ADAMTS20: variants seen among roughly 807,000 people sequenced by gnomAD.
ADAMTS20 encodes ADAM metallopeptidase with thrombospondin type 1 motif 20.
In ADAMTS20, 225 loss-of-function variants were observed where a neutral mutation model predicts 260.1. That is an observed-to-expected ratio of 0.87 (90% confidence interval 0.78 to 0.97). ADAMTS20 has a LOEUF of 0.97. Among genes scored for constraint, ADAMTS20 ranks in the 50% least tolerant of loss-of-function variants. The pLI is 0.00. For missense variants in ADAMTS20, 2,400 were observed against 2,337.7 expected, an observed-to-expected ratio of 1.03 and a Z score of -0.55; for synonymous variants, 802 against 769.5, an observed-to-expected ratio of 1.04 and a Z score of -0.70.
At chr12:43,477,449 G>A (rs866762780) in intron 7 of ADAMTS20, among the ~76,000 whole-genome samples, 1 of 152,118 alleles carries the variant, frequency 6.6e-6, no homozygotes, top group South Asian at 2.1e-4. Flanking sequence ...TCAGTCTGTT[G>A]TAAAAATTAG....
intron 36 of ADAMTS20, 107 bp downstream of exon 36, chr12:43,375,272 T>C (rs747532793): frequency 2.5e-6 from 3 of 1,194,722 alleles, no homozygotes; most frequent in Non-Finnish European, 3.4e-6. Flanking sequence ...TTTTGCACAA[T>C]GTCAGGTCCT....
intron 3 of ADAMTS20, among the ~76,000 whole-genome samples, chr12:43,514,318 A>C (rs1309722778): frequency 6.6e-6 from 1 of 151,646 alleles, no homozygotes; most frequent in Non-Finnish European, 1.5e-5. Flanking sequence ...TAATCCCAGC[A>C]CTTTGGGAGG....
intron 19 of ADAMTS20, chr12:43,433,834 T>C (rs1439546079): frequency 2.2e-5 from 10 of 463,534 alleles, no homozygotes; most frequent in African/African-American, 4.0e-5. Flanking sequence ...AAAATACTGA[T>C]AGAATGTCAA....
intron 3 of ADAMTS20, among the ~76,000 whole-genome samples, chr12:43,505,914 A>G (rs1942834099): frequency 6.6e-6 from 1 of 152,216 alleles, no homozygotes; most frequent in South Asian, 2.1e-4. Flanking sequence ...TGACAAAGGA[A>G]TGAATAAACA....
chr12:43,402,476 C>A (rs1025936949), intron 28 of ADAMTS20, among the ~76,000 whole-genome samples: 2 of 151,926 alleles, frequency 1.3e-5, no homozygotes, highest in African/African-American at 4.8e-5. Flanking sequence ...AGGAATACAT[C>A]CAGTATTTTA....
At chr12:43,532,312 A>T in intron 2 of ADAMTS20, 117 bp from the exon 3 acceptor site, 1 of 859,900 alleles carries the variant, frequency 1.2e-6, no homozygotes. Context: ...TCTGTTCACT[A>T]AGAGCCATCA....
At chr12:43,421,487 T>C (rs560162762) in intron 28 of ADAMTS20, among the ~76,000 whole-genome samples, 1 of 151,992 alleles carries the variant, frequency 6.6e-6, no homozygotes, top group Non-Finnish European at 1.5e-5. Context: ...ACTTCTAAAA[T>C]GAAACTTAGT....
chr12:43,383,492 G>A, intron 31 of ADAMTS20, 66 bp downstream of exon 31: 3 of 1,477,152 alleles, frequency 2.0e-6, no homozygotes, highest in Non-Finnish European at 2.7e-6. Context: ...TTTCAGCTGT[G>A]TCAAATTGTA....
intron 19 of ADAMTS20, chr12:43,433,692 A>C (rs1228213629): frequency 2.9e-6 from 1 of 348,794 alleles, no homozygotes; most frequent in Non-Finnish European, 5.4e-6. Context: ...ACACACACAC[A>C]TGCACACACA....
At chr12:43,382,520 A>AT (rs1448359600) in intron 31 of ADAMTS20, among the ~76,000 whole-genome samples, 1 of 152,032 alleles carries the variant, frequency 6.6e-6, no homozygotes, top group East Asian at 1.9e-4. Context: ...GGGTGCAGAT[A>AT]TTTTTTTGGG....
At position 43,493,170 on chromosome 12, in the gene ADAMTS20, C is replaced by G; in HGVS notation, c.951G>C (p.Glu317Asp). ...TACTAATTTTAGACCTGTTTCTTACCTCCTCACGGTGAATCATAACTAATT... is the reference window on the plus strand; with the variant it reads ...TACTAATTTTAGACCTGTTTCTTACGTCCTCACGGTGAATCATAACTAATT... The part of the protein sequence containing the change: ...VVKLVMIHRE[E>D]EGPVINFDGA... The change falls in exon 5 of 39, where the codon GAG becomes GAC. Residue 317 changes from glutamate (E) to aspartate (D), a missense_variant and splice_region_variant. Glu to Asp is a conservative substitution (Grantham distance 45, BLOSUM62 2). Coordinates refer to ENST00000389420, the MANE Select transcript of ADAMTS20 (RefSeq NM_025003.5). The G allele has an allele frequency of 6.4e-7, 1 of 1,554,062 alleles. No individual in the cohort carries two copies. The highest frequency in any genetic ancestry group is 1.2e-5 in the South Asian group (1 of 84,370).
chr12:43,416,525 T>C (rs1182199577), intron 28 of ADAMTS20, among the ~76,000 whole-genome samples: 1 of 62,090 alleles, frequency 1.6e-5, no homozygotes, highest in Non-Finnish European at 3.4e-5. Context: ...CAAACTGACC[T>C]TTTTTTTTTT....
At chr12:43,474,248 A>T (rs1942313446) in intron 7 of ADAMTS20, among the ~76,000 whole-genome samples, 1 of 137,658 alleles carries the variant, frequency 7.3e-6, no homozygotes, top group African/African-American at 2.7e-5. Context: ...GAAGAAATGG[A>T]TACATTCCTC....
At chr12:43,372,268 A>T (rs1350265252) in intron 36 of ADAMTS20, among the ~76,000 whole-genome samples, 1 of 152,224 alleles carries the variant, frequency 6.6e-6, no homozygotes, top group Non-Finnish European at 1.5e-5. Flanking sequence ...AAGTCGAGAA[A>T]CAGTGAGAAA....
Position 43,383,867 on chromosome 12 carries a change from A to G in ADAMTS20, c.4563T>C (p.Ser1521=). 1 of 1,613,930 alleles carries G rather than the reference A, an allele frequency of 6.2e-7. No individual in the cohort carries two copies. The highest frequency in any genetic ancestry group is 8.5e-7 in the Non-Finnish European group (1 of 1,179,866). Residue 1521 remains serine (S), a synonymous_variant, in exon 30 of 39, where the codon TCT becomes TCC. Coordinates refer to ENST00000389420, the MANE Select transcript of ADAMTS20 (RefSeq NM_025003.5). Reference sequence around the variant, plus strand: ...AGTCCTGACTCCAACATCGCCTCTGAGAACAAGGTCGGGTGGACTGATCAC... The same window carrying G: ...AGTCCTGACTCCAACATCGCCTCTGGGAACAAGGTCGGGTGGACTGATCAC... ...EMCDQSTRPC[S]QRRCWSQDCV... is the part of the protein sequence containing the mutation.
chr12:43,493,357 G>A (rs1258101407), intron 4 of ADAMTS20, 104 bp from the exon 5 acceptor site: 22 of 777,086 alleles, frequency 2.8e-5, no homozygotes, highest in Middle Eastern at 3.4e-4. Context: ...TGCACTGCAC[G>A]TAGGAATCTT....
At chr12:43,387,396 C>A (rs750415710) in intron 29 of ADAMTS20, among the ~76,000 whole-genome samples, 4 of 152,150 alleles carry the variant, frequency 2.6e-5, no homozygotes, top group Admixed American at 6.5e-5. Context: ...CAGATGCCAG[C>A]TGGAGCTCCC....
chr12:43,428,208 C>G (rs1335570460), intron 26 of ADAMTS20, 33 bp downstream of exon 26: 1 of 1,598,816 alleles, frequency 6.3e-7, no homozygotes. Context: ...AACAAAATTA[C>G]AGAATTAATA....
intron 3 of ADAMTS20, among the ~76,000 whole-genome samples, chr12:43,513,925 G>C (rs1942959879): frequency 7.5e-6 from 1 of 133,096 alleles, no homozygotes; most frequent in African/African-American, 2.7e-5. Context: ...TGAGGGGAGG[G>C]GGGAGGGATA....
Sources: gnomAD v4.1 joint callset for allele counts (sites outside exome capture counted in the v4.1 genomes callset) on GRCh38, gnomAD v4.1.1 for gene constraint, MANE v1.5 for transcripts, NCBI Gene and HGNC (gene_info 2026-07-23, HGNC 2026-07-21) for gene names.